Variants in THSD7A observed in about 807,000 individuals in gnomAD.
The protein encoded by THSD7A is thrombospondin type 1 domain containing 7A.
THSD7A carries 96 observed loss-of-function variants against 231.3 expected under a neutral mutation model. That is an observed-to-expected ratio of 0.41 (90% CI 0.35 to 0.49). The LOEUF (loss-of-function observed/expected upper bound fraction) is 0.49. THSD7A is among the 20% of genes least tolerant of loss of function. The pLI is 0.05. For synonymous variants in THSD7A, 940 were observed against 743.3 expected (o/e 1.26, Z -4.30); for missense variants, 2,290 against 2,070.2 (o/e 1.11, Z -2.06).
chr7:11,549,121 G>A (rs895074092), intron 4 of THSD7A, among the ~76,000 whole-genome samples: 1 of 152,180 alleles, frequency 6.6e-6, no homozygotes, highest in African/African-American at 2.4e-5. Flanking sequence ...AGACACTCAT[G>A]CAGCCAACAA....
intron 4 of THSD7A, among the ~76,000 whole-genome samples, chr7:11,585,840 G>A (rs1218209647): frequency 6.6e-6 from 1 of 152,058 alleles, no homozygotes; most frequent in Non-Finnish European, 1.5e-5. Context: ...CATCTCTGAG[G>A]CATGTGAGCA....
chr7:11,678,671 C>A (rs538215545), intron 1 of THSD7A, among the ~76,000 whole-genome samples: 1 of 152,228 alleles, frequency 6.6e-6, no homozygotes, highest in South Asian at 2.1e-4. Context: ...CTTGAATAGA[C>A]CAGTAACAAG....
Position 11,513,575 on chromosome 7 carries a change from T to C in THSD7A, c.1822+27844A>G, listed in dbSNP as rs547895634. The stretch of plus-strand genomic sequence containing the variant: ...GTCACATATTATATCATTCTATTTA[T>C]AGAAATACCCAGAACTGGTAAATCC... On this transcript the variant is annotated intron_variant, in intron 6 of 27. Coordinates refer to ENST00000423059, the MANE Select transcript of THSD7A (RefSeq NM_015204.3). 4.6e-5 allele frequency among the ~76,000 whole-genome samples: 7 copies of C among 152,154 alleles called. No homozygotes were observed. In the South Asian group the frequency reaches 1.2e-3, roughly 27 times the overall value.
intron 19 of THSD7A, among the ~76,000 whole-genome samples, chr7:11,408,479 T>C (rs1033614706): frequency 2.1e-5 from 3 of 143,982 alleles, no homozygotes; most frequent in East Asian, 2.0e-4. Context: ...GGCTGGGCAA[T>C]AGAGCAAGAC....
At chr7:11,560,757 A>T (rs1480428089) in intron 4 of THSD7A, among the ~76,000 whole-genome samples, 1 of 151,994 alleles carries the variant, frequency 6.6e-6, no homozygotes, top group Non-Finnish European at 1.5e-5. Flanking sequence ...TCCACTGAGT[A>T]ACAAACCCAA....
chr7:11,549,933 T>C (rs1193540091), intron 4 of THSD7A, among the ~76,000 whole-genome samples: 1 of 151,848 alleles, frequency 6.6e-6, no homozygotes, highest in South Asian at 2.1e-4. Context: ...AACAAACAAA[T>C]GAATGCCCAC....
At chr7:11,778,748 A>G (rs1303884695) in intron 1 of THSD7A, among the ~76,000 whole-genome samples, 2 of 152,184 alleles carry the variant, frequency 1.3e-5, no homozygotes, top group Non-Finnish European at 2.9e-5. Flanking sequence ...ACTGAATCAT[A>G]TGAATATGAA....
intron 1 of THSD7A, among the ~76,000 whole-genome samples, chr7:11,782,750 TGTGGCACC>T (rs1181135399): frequency 6.6e-6 from 1 of 152,192 alleles, no homozygotes; most frequent in Non-Finnish European, 1.5e-5. Context: ...TGCATTTCAC[TGTGGCACC>T]GTTGGCTATA....
intron 1 of THSD7A, among the ~76,000 whole-genome samples, chr7:11,694,934 A>G (rs1286661000): frequency 6.6e-6 from 1 of 151,514 alleles, no homozygotes; most frequent in Non-Finnish European, 1.5e-5. Flanking sequence ...TCTAGAATAG[A>G]AGCCTGAGGT....
intron 1 of THSD7A, among the ~76,000 whole-genome samples, chr7:11,679,210 GAGCTATTTATGACAA>G (rs1783768770): frequency 6.6e-6 from 1 of 152,030 alleles, no homozygotes; most frequent in Admixed American, 6.6e-5. Context: ...AAAATAATAA[GAGCTATTTATGACAA>G]ACCCACAGCC....
intron 6 of THSD7A, among the ~76,000 whole-genome samples, chr7:11,497,076 A>T (rs2128308865): frequency 6.6e-6 from 1 of 152,312 alleles, no homozygotes; most frequent in African/African-American, 2.4e-5. Context: ...AGGCCTAAGG[A>T]AACTTACAAT....
In THSD7A at chr7:11,469,936, C is replaced by A. The variant is rs1230837710; in HGVS notation, c.2311G>T (p.Asp771Tyr). Residue 771 changes from aspartate to tyrosine, a missense_variant, in exon 9 of 28, where the codon GAC (aspartate) becomes TAC (tyrosine). Asp to Tyr is a radical substitution (Grantham distance 160, BLOSUM62 -3). Coordinates refer to ENST00000423059, the MANE Select transcript of THSD7A (RefSeq NM_015204.3). Reference sequence around the variant, plus strand: ...TCACTATATGGGGTCACAATACAGTCCTTCTTACAAGGAAGCAGACAAGGC... The same window carrying A: ...TCACTATATGGGGTCACAATACAGTACTTCTTACAAGGAAGCAGACAAGGC... ...VRPCLLPCKK[D>Y]CIVTPYSDWT... 6.9e-6 allele frequency: 11 copies of A among 1,602,352 alleles called. No homozygotes were observed. Among genetic ancestry groups the A allele is most frequent in the African/African-American group, 2.7e-5 (2 of 74,754 alleles).
chr7:11,576,062 A>G (rs1167915227), intron 4 of THSD7A, among the ~76,000 whole-genome samples: 2 of 152,152 alleles, frequency 1.3e-5, no homozygotes. Flanking sequence ...ATTGGCTATT[A>G]CAAGCTTAGA....
chr7:11,697,197 A>G (rs1489962228), intron 1 of THSD7A, among the ~76,000 whole-genome samples: 2 of 151,344 alleles, frequency 1.3e-5, no homozygotes, highest in East Asian at 2.0e-4. Context: ...TTAATTGATT[A>G]TTTGCCATTG....
chr7:11,739,574 T>A (rs547106269), intron 1 of THSD7A, among the ~76,000 whole-genome samples: 1 of 151,746 alleles, frequency 6.6e-6, no homozygotes, highest in African/African-American at 2.4e-5. Flanking sequence ...TCTTTAAAAT[T>A]TTTTTTTAAA....
At chr7:11,470,829 T>C (rs2128301204) in intron 8 of THSD7A, among the ~76,000 whole-genome samples, 2 of 152,008 alleles carry the variant, frequency 1.3e-5, no homozygotes, top group East Asian at 3.9e-4. Context: ...ATATTATTTA[T>C]TGGGAACACA....
intron 1 of THSD7A, among the ~76,000 whole-genome samples, chr7:11,646,414 A>G (rs1562439238): frequency 6.6e-6 from 1 of 152,086 alleles, no homozygotes; most frequent in African/African-American, 2.4e-5. Flanking sequence ...AAGACATGAC[A>G]AGTCTTCAGA....
intron 2 of THSD7A, among the ~76,000 whole-genome samples, chr7:11,611,591 T>G (rs1780922222): frequency 1.3e-5 from 2 of 151,918 alleles, no homozygotes; most frequent in Admixed American, 1.3e-4. Flanking sequence ...CATCATTATT[T>G]GTCCAGAAAA....
intron 6 of THSD7A, among the ~76,000 whole-genome samples, chr7:11,539,012 T>G (rs1005444693): frequency 1.3e-5 from 2 of 152,212 alleles, no homozygotes; most frequent in African/African-American, 4.8e-5. Context: ...GTTCACAGGC[T>G]CTAATGCTTC....
Sources: gnomAD v4.1 joint callset for allele counts (sites outside exome capture counted in the v4.1 genomes callset) on GRCh38, gnomAD v4.1.1 for gene constraint, MANE v1.5 for transcripts, NCBI Gene and HGNC (gene_info 2026-07-23, HGNC 2026-07-21) for gene names.